The following SGSM1 variants were observed in gnomAD, a reference collection of about 807,000 sequenced individuals.
SGSM1 encodes the protein small G protein signaling modulator 1.
A neutral mutation model predicts 133.8 loss-of-function variants in SGSM1; 73 were observed. That is an observed-to-expected ratio of 0.55 (90% CI 0.45 to 0.66). SGSM1 has a LOEUF of 0.66. Among genes scored for constraint, SGSM1 ranks in the 30% least tolerant of loss-of-function variants. The pLI, the probability that SGSM1 is intolerant of heterozygous loss-of-function variation, is 0.00. For synonymous variants in SGSM1, 563 were observed against 573.0 expected, an observed-to-expected ratio of 0.98 and a Z score of 0.25; for missense variants, 1,213 against 1,448.1, an observed-to-expected ratio of 0.84 and a Z score of 2.64.
At chr22:24,900,682 C>A (rs1056514188) in intron 19 of SGSM1, among the ~76,000 whole-genome samples, 1 of 152,178 alleles carries the variant, frequency 6.6e-6, no homozygotes, top group African/African-American at 2.4e-5. Flanking sequence ...CAGGCATGAG[C>A]CACGGCGCCC....
intron 13 of SGSM1, among the ~76,000 whole-genome samples, chr22:24,878,627 G>A (rs1412567688): frequency 1.3e-5 from 2 of 152,160 alleles, no homozygotes; most frequent in Non-Finnish European, 2.9e-5. Flanking sequence ...CTATGAGAGT[G>A]TACAACACTC....
chr22:24,844,596 G>T (rs1398781169), intron 2 of SGSM1: 4 of 304,374 alleles, frequency 1.3e-5, no homozygotes, highest in Non-Finnish European at 2.4e-5. Flanking sequence ...AGTGGGGAGG[G>T]GTCTGCCTTA....
At chr22:24,848,440 T>C (rs1930276333) in intron 4 of SGSM1, among the ~76,000 whole-genome samples, 1 of 152,116 alleles carries the variant, frequency 6.6e-6, no homozygotes, top group South Asian at 2.1e-4. Context: ...AAAACTCTCA[T>C]ACTGAAGTAA....
In SGSM1 at chr22:24,847,675, G is replaced by A; in HGVS notation, c.181G>A (p.Ala61Thr). Reference protein sequence around the residue: ...ACVLHGLRRRAAGFLRSNKIA... With the variant: ...ACVLHGLRRRTAGFLRSNKIA... ...CGTTCTGCACGGGCTTCGGCGGCGG[G>A]CGGCTGGCTTCCTACGCAGCAATAA... Residue 61 changes from alanine to threonine, a missense_variant, in exon 4 of 25, where the codon GCG (alanine) becomes ACG (threonine). Physicochemically the swap from Ala to Thr is moderately conservative, Grantham distance 58 (BLOSUM62 0). Coordinates refer to ENST00000400358, the MANE Select transcript of SGSM1 (RefSeq NM_001098497.3). 1 of 1,613,828 alleles carries A rather than the reference G, an allele frequency of 6.2e-7. No individual in the cohort carries two copies.
At chr22:24,871,369 A>G (rs1931754467) in intron 12 of SGSM1, among the ~76,000 whole-genome samples, 1 of 152,164 alleles carries the variant, frequency 6.6e-6, no homozygotes, top group African/African-American at 2.4e-5. Context: ...CCCCACCAGC[A>G]GCATATTCTG....
At chr22:24,896,627 G>T (rs1231506030) in intron 18 of SGSM1, among the ~76,000 whole-genome samples, 31 of 139,254 alleles carry the variant, frequency 2.2e-4, no homozygotes, top group South Asian at 4.7e-4. Context: ...TTGTTTTTTG[G>T]TTTTTTTTTT....
rs191360477 is a variant in SGSM1 at position 24,811,854 on chromosome 22, G to A, written c.63+5370G>A. The stretch of plus-strand genomic sequence containing the variant: ...ACTGCACTTCAGCCAAGGCAACAGA[G>A]CGAGACCCTGTCTCAAAAAAAAAAA... On this transcript the variant is annotated intron_variant, in intron 2 of 24. Transcript: ENST00000400358. Among the ~76,000 whole-genome samples, 19 of 139,900 alleles carry A rather than the reference G, an allele frequency of 1.4e-4. No homozygotes were observed. In the East Asian group the frequency reaches 3.9e-3, roughly 28 times the overall value. The allele number at this position is 139,900 out of a possible 152,430, so 91.8% of individuals were successfully genotyped here. A position where few individuals can be genotyped will look rare whatever the true frequency, so the allele number is the denominator to read the frequency against.
At chr22:24,896,872 G>A (rs1164701153) in intron 18 of SGSM1, among the ~76,000 whole-genome samples, 1 of 152,070 alleles carries the variant, frequency 6.6e-6, no homozygotes, top group African/African-American at 2.4e-5. Context: ...AGCTACTTGG[G>A]AGGCTGGGGC....
Position 24,898,627 on chromosome 22 carries a change from G to A in SGSM1, c.2610+68G>A, listed in dbSNP as rs1046367699. The stretch of plus-strand genomic sequence containing the variant: ...TGCAGGAGGGTGGGATGTACTACAA[G>A]CCTGTTATCCAGAATGACCCCGGAG... On this transcript the variant is annotated intron_variant, in intron 19 of 24. Coordinates refer to ENST00000400358, the MANE Select transcript of SGSM1 (RefSeq NM_001098497.3). The A allele has an allele frequency of 3.4e-6, 5 of 1,452,112 alleles. No individual in the cohort carries two copies. The African/African-American group carries it at 5.7e-5, about 16-fold the overall frequency. The allele number at this position is 1,452,112 out of a possible 1,614,324, so 90.0% of individuals were successfully genotyped here.
intron 12 of SGSM1, among the ~76,000 whole-genome samples, chr22:24,873,881 G>A (rs1931889173): frequency 1.3e-5 from 2 of 152,192 alleles, no homozygotes; most frequent in South Asian, 4.1e-4. Context: ...AATCCCCTGG[G>A]TTAGGATCTT....
chr22:24,810,245 G>GT (rs1294959025), intron 2 of SGSM1, among the ~76,000 whole-genome samples: 1 of 151,950 alleles, frequency 6.6e-6, no homozygotes, highest in Non-Finnish European at 1.5e-5. Context: ...GTGGGTTTCC[G>GT]TTTATTCATA....
intron 22 of SGSM1, 40 bp from the exon 23 acceptor site, chr22:24,917,617 CT>C: frequency 1.3e-6 from 2 of 1,533,622 alleles, no homozygotes; most frequent in Non-Finnish European, 9.0e-7. Flanking sequence ...CTGCTCCAAC[CT>C]TTTCCCAGGA....
At chr22:24,840,662 C>T (rs1929738786) in intron 2 of SGSM1, among the ~76,000 whole-genome samples, 2 of 151,742 alleles carry the variant, frequency 1.3e-5, no homozygotes, top group South Asian at 4.2e-4. Context: ...TTATTTCCTT[C>T]TTTCTGCTAG....
At chr22:24,914,436 A>G (rs1569178108) in intron 22 of SGSM1, among the ~76,000 whole-genome samples, 1 of 151,666 alleles carries the variant, frequency 6.6e-6, no homozygotes, top group South Asian at 2.1e-4. Flanking sequence ...AGATAGCCCC[A>G]TTGCACACCA....
At chr22:24,828,701 C>T (rs1366106821) in intron 2 of SGSM1, among the ~76,000 whole-genome samples, 1 of 152,188 alleles carries the variant, frequency 6.6e-6, no homozygotes, top group Non-Finnish European at 1.5e-5. Context: ...AAATACCATT[C>T]GATCCAGCAA....
intron 8 of SGSM1, chr22:24,859,512 C>G: frequency 1.5e-6 from 1 of 673,414 alleles, no homozygotes; most frequent in Non-Finnish European, 2.7e-6. Context: ...GATGTAGAAC[C>G]CATTTGGGAG....
At chr22:24,844,070 C>G (rs1430218339) in intron 2 of SGSM1, 1 of 152,214 alleles carries the variant, frequency 6.6e-6, no homozygotes, top group Non-Finnish European at 1.5e-5. Context: ...TACACTGATT[C>G]ATTCATTCAT....
intron 23 of SGSM1, among the ~76,000 whole-genome samples, chr22:24,919,295 C>A (rs1351678233): frequency 6.6e-6 from 1 of 152,030 alleles, no homozygotes; most frequent in Non-Finnish European, 1.5e-5. Context: ...CGTGATCCAC[C>A]CGCCTCGGCC....
At chr22:24,831,139 G>T (rs934841186) in intron 2 of SGSM1, among the ~76,000 whole-genome samples, 1 of 152,058 alleles carries the variant, frequency 6.6e-6, no homozygotes, top group Non-Finnish European at 1.5e-5. Context: ...AGGTCAGCGT[G>T]CAGGAGGGTT....
Sources: gnomAD v4.1 joint callset for allele counts (sites outside exome capture counted in the v4.1 genomes callset) on GRCh38, gnomAD v4.1.1 for gene constraint, MANE v1.5 for transcripts, NCBI Gene and HGNC (gene_info 2026-07-23, HGNC 2026-07-21) for gene names.